FBXO11: variants seen among roughly 807,000 people sequenced by gnomAD.
FBXO11 encodes F-box protein 11, also known as F-box only protein 11.
A neutral mutation model predicts 117.0 loss-of-function variants in FBXO11; 13 were observed. That is an observed-to-expected ratio of 0.11 (90% CI 0.07 to 0.18). FBXO11 has a LOEUF of 0.18. Ranked by LOEUF, FBXO11 falls within the 10% of genes least tolerant of loss-of-function variation. The pLI is 1.00. For missense variants in FBXO11, 767 were observed against 1,164.4 expected (o/e 0.66, Z 4.97); for synonymous variants, 490 against 380.5 (o/e 1.29, Z -3.35).
chr2:47,864,948 TTTC>T (rs1362620136), intron 1 of FBXO11, among the ~76,000 whole-genome samples: 1 of 152,228 alleles, frequency 6.6e-6, no homozygotes, highest in Non-Finnish European at 1.5e-5. Flanking sequence ...TTGACAAGAC[TTTC>T]ATTCTACGTG....
chr2:47,886,407 G>A (rs1327457383), intron 1 of FBXO11, among the ~76,000 whole-genome samples: 17 of 151,760 alleles, frequency 1.1e-4, no homozygotes, highest in Admixed American at 9.2e-4. Flanking sequence ...TCAGGAGGCT[G>A]AGGCAGGAGA....
At position 47,906,209 on chromosome 2, in the gene FBXO11, G is replaced by T. The variant is rs988960789; in HGVS notation, c.-489C>A. 6.0e-6 allele frequency: 1 copy of T among 168,046 alleles called. No individual in the cohort carries two copies. Among genetic ancestry groups the T allele is most frequent in the Non-Finnish European group, 1.3e-5 (1 of 77,802 alleles). 10.4% of individuals were successfully genotyped at this position (168,046 alleles called of 1,614,324 possible). A position where few individuals can be genotyped will look rare whatever the true frequency, so the allele number is the denominator to read the frequency against. ...GAGAGAAGGGAGGGAGGGAGCAGGG[G>T]GCGCCCGGCTCTTTTTTTTCCCTCT... is the stretch of plus-strand genomic sequence containing the variant. On this transcript the variant is annotated 5_prime_UTR_variant, in exon 1 of 23. Transcript: ENST00000403359.
intron 4 of FBXO11, among the ~76,000 whole-genome samples, chr2:47,836,562 C>T (rs918591190): frequency 6.6e-6 from 1 of 151,820 alleles, no homozygotes. Flanking sequence ...GTGATTTACC[C>T]ACCTCAGCCT....
intron 11 of FBXO11, among the ~76,000 whole-genome samples, chr2:47,830,806 A>C (rs1672123355): frequency 6.6e-6 from 1 of 152,126 alleles, no homozygotes; most frequent in Non-Finnish European, 1.5e-5. Flanking sequence ...AAAAATGATG[A>C]ACTTGGCCAG....
At position 47,839,805 on chromosome 2, in the gene FBXO11, C is replaced by G. The variant is rs750005525; in HGVS notation, c.233-36G>C. ...CAAAAGCAATAAGAAAAATTATACC[C>G]TTTTTAAAAAAAGTTCTATGGATAC... is the stretch of plus-strand genomic sequence containing the variant. On this transcript the variant is annotated intron_variant, in intron 1 of 22. Transcript: ENST00000403359. 54 of 1,576,784 alleles carry G rather than the reference C, an allele frequency of 3.4e-5. 1 individual carries two copies. The South Asian group carries it at 5.9e-4, about 17-fold the overall frequency.
chr2:47,813,027 G>C lies in FBXO11; in HGVS notation c.2227+207C>G, dbSNP rs889132956. The C allele has an allele frequency of 6.9e-6, 4 of 576,232 alleles. No individual in the cohort carries two copies. The Admixed American group carries it at 1.2e-4, about 17-fold the overall frequency. 35.7% of individuals were successfully genotyped at this position (576,232 alleles called of 1,614,324 possible). A position where few individuals can be genotyped will look rare whatever the true frequency, so the allele number is the denominator to read the frequency against. Reference sequence around the variant, plus strand: ...TTAAAAAGGCTTACTGACAACTGCAGACTCAAAGTGGCTACAAAAGGAAAA... The same window carrying C: ...TTAAAAAGGCTTACTGACAACTGCACACTCAAAGTGGCTACAAAAGGAAAA... On this transcript the variant is annotated intron_variant, in intron 18 of 22. Coordinates refer to ENST00000403359, the MANE Select transcript of FBXO11 (RefSeq NM_001190274.2).
At chr2:47,808,935 G>C (rs997767482) in intron 21 of FBXO11, 2 of 402,038 alleles carry the variant, frequency 5.0e-6, no homozygotes, top group Non-Finnish European at 8.8e-6. Context: ...GGGCTCCAGT[G>C]ATCCTCCCAC....
chr2:47,812,898 TC>T (rs1481431048), intron 18 of FBXO11: 1 of 278,466 alleles, frequency 3.6e-6, no homozygotes, highest in African/African-American at 2.3e-5. Context: ...TATTTACAGA[TC>T]AATTTCTCAC....
intron 1 of FBXO11, among the ~76,000 whole-genome samples, chr2:47,841,536 T>C (rs1673011737): frequency 6.6e-6 from 1 of 152,098 alleles, no homozygotes; most frequent in Admixed American, 6.5e-5. Flanking sequence ...ACTCTACAGG[T>C]CCAACTATCA....
At chr2:47,866,595 T>C (rs1041460584) in intron 1 of FBXO11, among the ~76,000 whole-genome samples, 1 of 151,784 alleles carries the variant, frequency 6.6e-6, no homozygotes, top group African/African-American at 2.4e-5. Context: ...TGCCTCAGCC[T>C]CCCGAGTAGC....
chr2:47,822,139 T>C, intron 13 of FBXO11, 79 bp downstream of exon 13: 1 of 995,722 alleles, frequency 1.0e-6, no homozygotes, highest in South Asian at 1.4e-5. Flanking sequence ...TTGGGTAGTT[T>C]CAAAATGTTC....
chr2:47,819,536 T>A (rs1279391996), intron 14 of FBXO11, among the ~76,000 whole-genome samples: 1 of 152,154 alleles, frequency 6.6e-6, no homozygotes, highest in Non-Finnish European at 1.5e-5. Flanking sequence ...ATGTAGCCTC[T>A]ACCTGAGTTT....
intron 11 of FBXO11, among the ~76,000 whole-genome samples, chr2:47,824,561 C>A (rs1220213828): frequency 1.3e-5 from 2 of 152,044 alleles, no homozygotes; most frequent in African/African-American, 4.8e-5. Flanking sequence ...TCACCTTAGC[C>A]CATTAATAGA....
At chr2:47,828,766 AGAG>A (rs1180766287) in intron 11 of FBXO11, among the ~76,000 whole-genome samples, 3 of 152,232 alleles carry the variant, frequency 2.0e-5, no homozygotes, top group Non-Finnish European at 4.4e-5. Flanking sequence ...TGGGTAAGAA[AGAG>A]GAGGGTGCTG....
At chr2:47,833,990 G>C (rs1167309795) in intron 7 of FBXO11, among the ~76,000 whole-genome samples, 1 of 152,082 alleles carries the variant, frequency 6.6e-6, no homozygotes, top group Non-Finnish European at 1.5e-5. Flanking sequence ...TCAAATAAAA[G>C]ATGAAAAAGC....
chr2:47,858,732 C>CAA (rs957854303), intron 1 of FBXO11, among the ~76,000 whole-genome samples: 32 of 144,286 alleles, frequency 2.2e-4, no homozygotes, highest in African/African-American at 7.4e-4. Context: ...AATACAAATG[C>CAA]AAAAACCTGA....
rs541866796 is a variant in FBXO11, at chr2:47,836,647, A to G, written c.588-646T>C. Among the ~76,000 whole-genome samples the G allele has an allele frequency of 2.6e-4, 39 of 152,070 alleles. 1 individual carries two copies. Among genetic ancestry groups the G allele is most frequent in the Admixed American group, 2.3e-3 (35 of 15,260 alleles). ...TAGTTTTCCTGCAAAAATTTTCACA[A>G]TGTAACTGCGTATGAAAATTTGTCC... On this transcript the variant is annotated intron_variant, in intron 4 of 22. Transcript: ENST00000403359.
intron 1 of FBXO11, among the ~76,000 whole-genome samples, chr2:47,863,072 CA>C (rs1297603578): frequency 1.7e-5 from 2 of 119,664 alleles, no homozygotes; most frequent in African/African-American, 5.5e-5. Context: ...AAAAAAAAAA[CA>C]AAAAAACAAA....
chr2:47,886,796 A>G (rs1676885958), intron 1 of FBXO11, among the ~76,000 whole-genome samples: 1 of 152,150 alleles, frequency 6.6e-6, no homozygotes, highest in African/African-American at 2.4e-5. Context: ...GTTTTTAATG[A>G]AAAAAAGTGT....
Sources: gnomAD v4.1 joint callset for allele counts (sites outside exome capture counted in the v4.1 genomes callset) on GRCh38, gnomAD v4.1.1 for gene constraint, MANE v1.5 for transcripts, NCBI Gene and HGNC (gene_info 2026-07-23, HGNC 2026-07-21) for gene names.